ARL5C: variants seen among roughly 807,000 people sequenced by gnomAD.
ARL5C encodes the protein putative ADP-ribosylation factor-like protein 5C.
ARL5C carries 21 observed loss-of-function variants against 20.8 expected under a neutral mutation model. The ratio of observed to expected loss-of-function variants is 1.01; its 90% confidence interval spans 0.72 to 1.46. The LOEUF is 1.46. ARL5C is among the 40% of genes most tolerant of loss of function. The probability of loss-of-function intolerance (pLI) is 0.00; values close to 1 mark genes in which losing one functional copy is unlikely to be tolerated. For synonymous variants in ARL5C, 71 were observed against 81.6 expected (o/e 0.87, Z 0.70); for missense variants, 199 against 225.1 (o/e 0.88, Z 0.74).
intron 5 of ARL5C, among the ~76,000 whole-genome samples, chr17:39,159,389 T>C (rs926433795): frequency 2.0e-5 from 3 of 150,804 alleles, no homozygotes; most frequent in African/African-American, 7.3e-5. Flanking sequence ...CTCCGCCTCC[T>C]GGGTTCAAGC....
At chr17:39,165,295 C>T in intron 1 of ARL5C, 156 bp from the exon 2 acceptor site, 1 of 682,624 alleles carries the variant, frequency 1.5e-6, no homozygotes. Flanking sequence ...GCTCCGACAC[C>T]TGCCCCACTC....
intron 2 of ARL5C, among the ~76,000 whole-genome samples, chr17:39,163,384 TTCTTTCTTTC>T (rs1171292352): frequency 2.2e-5 from 3 of 138,786 alleles, no homozygotes; most frequent in Admixed American, 1.4e-4. Flanking sequence ...CTTTCTTTCT[TTCTTTCTTTC>T]TCTCTTTCTT....
chr17:39,158,193 G>A (rs1237368047), intron 5 of ARL5C, among the ~76,000 whole-genome samples: 1 of 151,448 alleles, frequency 6.6e-6, no homozygotes, highest in East Asian at 2.0e-4. Context: ...AAGAAGGGAG[G>A]GAAAATGCTG....
intron 5 of ARL5C, among the ~76,000 whole-genome samples, chr17:39,158,707 G>A (rs2045419019): frequency 6.6e-6 from 1 of 151,856 alleles, no homozygotes; most frequent in African/African-American, 2.4e-5. Context: ...CCTGATGTAA[G>A]GCCCTTTCTA....
In ARL5C at chr17:39,166,129, C is replaced by A. The variant is rs1162786999; in HGVS notation, c.-369G>T. The A allele has an allele frequency of 3.4e-6, 1 of 292,050 alleles. No individual in the cohort carries two copies. The highest frequency in any genetic ancestry group is 8.3e-5 in the East Asian group (1 of 12,078). 18.1% of individuals were successfully genotyped at this position (292,050 alleles called of 1,614,324 possible). A position where few individuals can be genotyped will look rare whatever the true frequency, so the allele number is the denominator to read the frequency against. On this transcript the variant is annotated 5_prime_UTR_variant, in exon 1 of 6. In the 5' UTR this introduces an upstream ATG that the reference lacks. Coordinates refer to ENST00000269586, the MANE Select transcript of ARL5C (RefSeq NM_001143968.1). ...GCGCGGAACCGGATCCCAGCTCTCCCTCCTCTGAGTGCCATGTCTAGGGCA... is the reference window on the plus strand; with the variant it reads ...GCGCGGAACCGGATCCCAGCTCTCCATCCTCTGAGTGCCATGTCTAGGGCA...
chr17:39,157,487 G>A (rs990383699), intron 5 of ARL5C, among the ~76,000 whole-genome samples: 9 of 152,142 alleles, frequency 5.9e-5, no homozygotes, highest in African/African-American at 2.2e-4. Flanking sequence ...AACATGGGGG[G>A]TACTTAGAAA....
rs571349174 is a variant in ARL5C, at chr17:39,156,932, T to C, written c.502A>G (p.Arg168Gly). The C allele has an allele frequency of 7.1e-6, 11 of 1,551,868 alleles. No individual in the cohort carries two copies. In the South Asian group the frequency reaches 1.2e-4, roughly 17 times the overall value. The stretch of plus-strand genomic sequence containing the variant: ...GCCTGAGATTCCATCCACTGAAGTC[T>C]GGCAGGCAGCCTGCAGGGAGGAAGG... ...CALTREGLPARLQWMESQAAA... is the reference protein window; with the variant it reads ...CALTREGLPAGLQWMESQAAA... Residue 168 changes from arginine to glycine, a missense_variant, in exon 6 of 6, where the codon AGA (arginine) becomes GGA (glycine). Physicochemically the swap from Arg to Gly is moderately radical, Grantham distance 125. Coordinates refer to ENST00000269586, the MANE Select transcript of ARL5C (RefSeq NM_001143968.1).
Position 39,162,861 on chromosome 17 carries a change from G to A in ARL5C, c.108-3C>T, listed in dbSNP as rs1321667511. 1.1e-5 allele frequency: 17 copies of A among 1,549,794 alleles called. No individual in the cohort carries two copies. Among genetic ancestry groups the A allele is most frequent in the Non-Finnish European group, 1.5e-5 (17 of 1,146,746 alleles). On this transcript the variant is annotated splice_region_variant and splice_polypyrimidine_tract_variant and intron_variant, in intron 2 of 5. Coordinates refer to ENST00000269586, the MANE Select transcript of ARL5C (RefSeq NM_001143968.1). Reference sequence around the variant, plus strand: ...TATGGACCACCTCATTGGTCAAGCTGGGGAGGTAGGAGTGGGCACCAAGAG... The same window carrying A: ...TATGGACCACCTCATTGGTCAAGCTAGGGAGGTAGGAGTGGGCACCAAGAG...
intron 3 of ARL5C, among the ~76,000 whole-genome samples, chr17:39,161,744 T>C: frequency 6.6e-6 from 1 of 152,004 alleles, no homozygotes; most frequent in East Asian, 1.9e-4. Context: ...AAACTCCTGA[T>C]CTCAGGTCAT....
chr17:39,159,562 G>T (rs997844218), intron 5 of ARL5C, among the ~76,000 whole-genome samples: 1 of 152,066 alleles, frequency 6.6e-6, no homozygotes, highest in Non-Finnish European at 1.5e-5. Flanking sequence ...CTCCCAAAGT[G>T]CTGGGATTAC....
Position 39,166,134 on chromosome 17 carries a change from C to T in ARL5C, c.-374G>A. The T allele has an allele frequency of 3.5e-6, 1 of 288,452 alleles. No individual in the cohort carries two copies. The highest frequency in any genetic ancestry group is 6.8e-6 in the Non-Finnish European group (1 of 148,042). 17.9% of individuals were successfully genotyped at this position (288,452 alleles called of 1,614,324 possible). ...GAACCGGATCCCAGCTCTCCCTCCTCTGAGTGCCATGTCTAGGGCACTAGA... is the reference window on the plus strand; with the variant it reads ...GAACCGGATCCCAGCTCTCCCTCCTTTGAGTGCCATGTCTAGGGCACTAGA... On this transcript the variant is annotated 5_prime_UTR_variant, in exon 1 of 6. Coordinates refer to ENST00000269586, the MANE Select transcript of ARL5C (RefSeq NM_001143968.1).
At chr17:39,157,522 G>A (rs1167818028) in intron 5 of ARL5C, among the ~76,000 whole-genome samples, 1 of 152,228 alleles carries the variant, frequency 6.6e-6, no homozygotes, top group Non-Finnish European at 1.5e-5. Flanking sequence ...AGGCGCAGTG[G>A]CTCACGCCTT....
At chr17:39,159,708 C>G (rs2045425228) in intron 5 of ARL5C, among the ~76,000 whole-genome samples, 1 of 152,214 alleles carries the variant, frequency 6.6e-6, no homozygotes, top group Non-Finnish European at 1.5e-5. Context: ...TGCTGTTTCT[C>G]CAGTGCCTAG....
At chr17:39,159,687 G>A (rs995013622) in intron 5 of ARL5C, among the ~76,000 whole-genome samples, 6 of 152,182 alleles carry the variant, frequency 3.9e-5, no homozygotes, top group African/African-American at 1.4e-4. Context: ...ATTTTTGTCT[G>A]TTTTGCTCGC....
rs1299753694 is a variant in ARL5C, at chr17:39,162,732, G to A, written c.234C>T (p.Asn78=). The A allele has an allele frequency of 1.2e-5, 18 of 1,551,602 alleles. No individual in the cohort carries two copies. The highest frequency in any genetic ancestry group is 1.4e-5 in the Non-Finnish European group (16 of 1,146,990). ...TCACCTCAGTGTTGGAGTAGTATGT[G>A]TTCCAGATAAAGCTCAGAGCCTCAG... is the stretch of plus-strand genomic sequence containing the variant. ...VRPEALSFIW[N]TYYSNTEFII... The change falls in exon 3 of 6, where the codon AAC becomes AAT. Residue 78 remains asparagine (N), a synonymous_variant. Transcript: ENST00000269586.
Position 39,165,869 on chromosome 17 carries a change from T to A in ARL5C, c.-109A>T. ...CCGGGAGGGTCTGGCAGATTTTGCC[T>A]ACGAAGTTAGGGAAGCCCCACACGT... On this transcript the variant is annotated 5_prime_UTR_variant, in exon 1 of 6. Transcript: ENST00000269586. 3 of 1,373,596 alleles carry A rather than the reference T, an allele frequency of 2.2e-6. No individual in the cohort carries two copies. Among genetic ancestry groups the A allele is most frequent in the Non-Finnish European group, 3.0e-6 (3 of 996,470 alleles). 85.1% of individuals were successfully genotyped at this position (1,373,596 alleles called of 1,614,324 possible).
chr17:39,161,128 A>G (rs2045432596), intron 4 of ARL5C, 140 bp downstream of exon 4: 1 of 800,184 alleles, frequency 1.2e-6, no homozygotes. Context: ...CATCAGGCAC[A>G]AACCAGCCCT....
chr17:39,161,853 A>G (rs1250964462), intron 3 of ARL5C, among the ~76,000 whole-genome samples: 1 of 152,082 alleles, frequency 6.6e-6, no homozygotes, highest in African/African-American at 2.4e-5. Flanking sequence ...GGAATAGCAC[A>G]CCTCTGACTG....
intron 4 of ARL5C, among the ~76,000 whole-genome samples, 193 bp downstream of exon 4, chr17:39,161,075 T>C (rs750410): frequency 0.042 from 6,470 of 152,298 alleles, 210 homozygotes; most frequent in East Asian, 0.12. Flanking sequence ...AACCAGCAAC[T>C]CTGGCTTCTA....
Sources: gnomAD v4.1 joint callset for allele counts (sites outside exome capture counted in the v4.1 genomes callset) on GRCh38, gnomAD v4.1.1 for gene constraint, MANE v1.5 for transcripts, NCBI Gene and HGNC (gene_info 2026-07-23, HGNC 2026-07-21) for gene names.